The following SGK1 variants were observed in gnomAD, a reference collection of about 807,000 sequenced individuals.
SGK1 encodes serine/threonine-protein kinase Sgk1.
In SGK1, 26 loss-of-function variants were observed where a neutral mutation model predicts 64.2. That is an observed-to-expected ratio of 0.40 (90% CI 0.30 to 0.56). The LOEUF (loss-of-function observed/expected upper bound fraction) is 0.56. Among genes scored for constraint, SGK1 ranks in the 20% least tolerant of loss-of-function variants. SGK1 has a pLI of 0.38. For synonymous variants in SGK1, 265 were observed against 239.7 expected, an observed-to-expected ratio of 1.11 and a Z score of -0.98; for missense variants, 519 against 645.6, an observed-to-expected ratio of 0.80 and a Z score of 2.12.
At chr6:134,215,002 T>A (rs1775954072) in intron 2 of SGK1, 4 of 446,874 alleles carry the variant, frequency 9.0e-6, no homozygotes, top group Non-Finnish European at 1.8e-5. Context: ...AGAAGTATTG[T>A]CATAGGTTAC....
In SGK1 at chr6:134,174,599, G is replaced by A. The variant is rs1775152163; in HGVS notation, c.362-13C>T. On this transcript the variant is annotated splice_polypyrimidine_tract_variant and intron_variant, in intron 3 of 13. Transcript: ENST00000367858. ...TGCTTCATGAAAGCTGTGGATGAAGGAGGAGAAATAAAGAAACGTTTAGAC... is the reference window on the plus strand; with the variant it reads ...TGCTTCATGAAAGCTGTGGATGAAGAAGGAGAAATAAAGAAACGTTTAGAC... 1 of 1,612,970 alleles carries A rather than the reference G, an allele frequency of 6.2e-7. No homozygotes were observed. The highest frequency in any genetic ancestry group is 8.5e-7 in the Non-Finnish European group (1 of 1,178,944).
At chr6:134,175,473 G>A in intron 3 of SGK1, 2 of 1,336,046 alleles carry the variant, frequency 1.5e-6, no homozygotes, top group Non-Finnish European at 1.9e-6. Flanking sequence ...TCCGACGAAA[G>A]CCGGCCCCTG....
intron 2 of SGK1, among the ~76,000 whole-genome samples, chr6:134,225,550 T>C (rs1776162244): frequency 6.6e-6 from 1 of 151,984 alleles, no homozygotes; most frequent in African/African-American, 2.4e-5. Context: ...ATATCAAGCA[T>C]TTCAATTCAC....
chr6:134,174,221 G>T (rs753645913), intron 4 of SGK1, 141 bp from the exon 5 acceptor site: 12 of 634,986 alleles, frequency 1.9e-5, no homozygotes, highest in Non-Finnish European at 1.7e-5. Flanking sequence ...ACATTAGTCA[G>T]TTAAAGAAAA....
intron 1 of SGK1, among the ~76,000 whole-genome samples, chr6:134,311,801 G>A (rs1380523944): frequency 6.6e-6 from 1 of 152,176 alleles, no homozygotes; most frequent in Admixed American, 6.5e-5. Context: ...TAGCCATTCC[G>A]AAGAAAGCAC....
At chr6:134,297,872 G>C (rs1777385526) in intron 1 of SGK1, 2 of 791,124 alleles carry the variant, frequency 2.5e-6, no homozygotes, top group Non-Finnish European at 4.5e-6. Flanking sequence ...CCTCATATTT[G>C]ATCTGGTACA....
At chr6:134,172,446 G>A (rs1775060612) in intron 9 of SGK1, 130 bp from the exon 10 acceptor site, 2 of 956,614 alleles carry the variant, frequency 2.1e-6, no homozygotes, top group African/African-American at 1.6e-5. Context: ...AAGAAAAAAG[G>A]GAGCCCTTGT....
intron 2 of SGK1, among the ~76,000 whole-genome samples, chr6:134,220,416 T>A (rs1164154826): frequency 6.6e-6 from 1 of 152,184 alleles, no homozygotes; most frequent in Non-Finnish European, 1.5e-5. Flanking sequence ...TTACAGTACA[T>A]CTACTGTGGT....
At chr6:134,254,676 C>T (rs866538803) in intron 2 of SGK1, among the ~76,000 whole-genome samples, 7 of 152,186 alleles carry the variant, frequency 4.6e-5, no homozygotes, top group African/African-American at 1.7e-4. Context: ...ATTTGATATA[C>T]ATACTTCCAC....
intron 3 of SGK1, among the ~76,000 whole-genome samples, chr6:134,187,148 G>A (rs764283876): frequency 6.6e-6 from 1 of 152,108 alleles, no homozygotes; most frequent in Non-Finnish European, 1.5e-5. Flanking sequence ...TTGTGGAATA[G>A]TAGTCCAATT....
chr6:134,170,204 A>G lies in SGK1; in HGVS notation c.*64T>C. 1 of 1,442,194 alleles carries G rather than the reference A, an allele frequency of 6.9e-7. No homozygotes were observed. Among genetic ancestry groups the G allele is most frequent in the Non-Finnish European group, 9.5e-7 (1 of 1,056,326 alleles). 89.3% of individuals were successfully genotyped at this position (1,442,194 alleles called of 1,614,324 possible). ...TGTCCTGTCAGCTGGCGGCTCCACC[A>G]AAAGGCTAACTAAAACATTCGGAAA... On this transcript the variant is annotated 3_prime_UTR_variant, in exon 14 of 14. Coordinates refer to ENST00000367858, the MANE Select transcript of SGK1 (RefSeq NM_001143676.3).
At chr6:134,270,864 TAA>T (rs1484280715) in intron 1 of SGK1, among the ~76,000 whole-genome samples, 1 of 147,992 alleles carries the variant, frequency 6.8e-6, no homozygotes, top group Admixed American at 6.9e-5. Context: ...TCAGTAAGTA[TAA>T]AGTCTCCCTC....
intron 1 of SGK1, among the ~76,000 whole-genome samples, chr6:134,299,818 TGC>T (rs757995582): frequency 0.046 from 6,917 of 148,944 alleles, 222 homozygotes; most frequent in Non-Finnish European, 0.073. Context: ...TTTTTTTTTT[TGC>T]CCTGAGTTTG....
chr6:134,185,526 A>C (rs1312881937), intron 3 of SGK1, among the ~76,000 whole-genome samples: 1 of 151,188 alleles, frequency 6.6e-6, no homozygotes, highest in East Asian at 1.9e-4. Context: ...CCAAGTTAAG[A>C]TATGAAACTA....
chr6:134,298,656 A>T (rs1047565744), intron 1 of SGK1: 2 of 1,338,020 alleles, frequency 1.5e-6, no homozygotes, highest in Non-Finnish European at 2.1e-6. Context: ...GGGGCCAGAG[A>T]TGGACAACTT....
chr6:134,248,020 A>G (rs912703769), intron 2 of SGK1, among the ~76,000 whole-genome samples: 4 of 152,016 alleles, frequency 2.6e-5, no homozygotes, highest in Admixed American at 2.0e-4. Context: ...AAGTTCTCAC[A>G]GCTGTTATGA....
At chr6:134,242,149 C>T (rs1039962865) in intron 2 of SGK1, among the ~76,000 whole-genome samples, 1 of 152,116 alleles carries the variant, frequency 6.6e-6, no homozygotes, top group Admixed American at 6.5e-5. Context: ...TGCTGGTGCT[C>T]ATGAACCGCA....
At chr6:134,261,795 C>A in intron 2 of SGK1, 138 bp downstream of exon 2, 1 of 694,462 alleles carries the variant, frequency 1.4e-6, no homozygotes, top group Non-Finnish European at 2.6e-6. Flanking sequence ...ACAAAGACCA[C>A]AATTCTAGGT....
At chr6:134,294,393 C>T (rs778292409) in intron 1 of SGK1, among the ~76,000 whole-genome samples, 3 of 152,146 alleles carry the variant, frequency 2.0e-5, no homozygotes, top group Non-Finnish European at 4.4e-5. Context: ...ATAGTAATTC[C>T]TCATCCCCCT....
Sources: gnomAD v4.1 joint callset for allele counts (sites outside exome capture counted in the v4.1 genomes callset) on GRCh38, gnomAD v4.1.1 for gene constraint, MANE v1.5 for transcripts, NCBI Gene and HGNC (gene_info 2026-07-23, HGNC 2026-07-21) for gene names.